The following JAK1 variants were observed in gnomAD, a reference collection of about 807,000 sequenced individuals.
JAK1 encodes tyrosine-protein kinase JAK1.
In JAK1, 16 loss-of-function variants were observed where a neutral mutation model predicts 136.6. The observed-to-expected ratio is 0.12, with a 90% CI of 0.08 to 0.18. The LOEUF is 0.18. Ranked by LOEUF, JAK1 falls within the 10% of genes least tolerant of loss-of-function variation. The pLI is 1.00. For missense variants in JAK1, 859 were observed against 1,450.1 expected (o/e 0.59, Z 6.62); for synonymous variants, 492 against 519.5 (o/e 0.95, Z 0.72).
chr1:64,970,394 T>C (rs888229277), upstream of JAK1, among the ~76,000 whole-genome samples: 1 of 151,228 alleles, frequency 6.6e-6, no homozygotes. Flanking sequence ...TGAGCCAAGA[T>C]GGCACCACTG....
At chr1:64,903,596 T>C (rs1214760285) in intron 1 of JAK1, among the ~76,000 whole-genome samples, 5 of 152,212 alleles carry the variant, frequency 3.3e-5, no homozygotes, top group African/African-American at 7.2e-5. Flanking sequence ...AATTCTGGCT[T>C]TTCAGTCAGG....
intron 1 of JAK1, among the ~76,000 whole-genome samples, chr1:64,936,585 G>C (rs1476233957): frequency 6.6e-6 from 1 of 152,158 alleles, no homozygotes; most frequent in Non-Finnish European, 1.5e-5. Flanking sequence ...TGACTGGAGA[G>C]GTGAGGCCAA....
chr1:65,034,132 T>C (rs554455), intron 2 of JAK1, among the ~76,000 whole-genome samples: 46,299 of 152,012 alleles, frequency 0.3, 8,398 homozygotes, highest in East Asian at 0.47. Context: ...AAAGGAAAGG[T>C]AAGTACAACG....
At chr1:64,869,686 G>A (rs1038719757) in intron 5 of JAK1, among the ~76,000 whole-genome samples, 2 of 152,312 alleles carry the variant, frequency 1.3e-5, no homozygotes, top group Non-Finnish European at 2.9e-5. Flanking sequence ...ACAAAACATT[G>A]ACTGAGCACT....
At chr1:65,012,964 C>T (rs913681921) in intron 2 of JAK1, among the ~76,000 whole-genome samples, 15 of 151,588 alleles carry the variant, frequency 9.9e-5, no homozygotes, top group East Asian at 1.9e-4. Flanking sequence ...GGCGTGGTGG[C>T]GAGCACCTGT....
chr1:64,869,257 T>G, intron 6 of JAK1, 54 bp downstream of exon 6: 1 of 1,541,778 alleles, frequency 6.5e-7, no homozygotes, highest in Admixed American at 1.7e-5. Context: ...TGTAAGAACA[T>G]GTAGAAACAC....
intron 1 of JAK1, among the ~76,000 whole-genome samples, chr1:65,050,015 T>C (rs1647242417): frequency 6.6e-6 from 1 of 152,142 alleles, no homozygotes; most frequent in South Asian, 2.1e-4. Flanking sequence ...TGACACCTTT[T>C]GAAAAAGCTC....
intron 2 of JAK1, among the ~76,000 whole-genome samples, chr1:64,994,553 A>G (rs1420435268): frequency 6.6e-6 from 1 of 152,196 alleles, no homozygotes; most frequent in Non-Finnish European, 1.5e-5. Flanking sequence ...TGAAAAGCAC[A>G]GTCTCAGCCC....
chr1:64,951,675 T>C (rs892537902), intron 1 of JAK1, among the ~76,000 whole-genome samples: 1 of 83,524 alleles, frequency 1.2e-5, no homozygotes, highest in Non-Finnish European at 2.5e-5. Flanking sequence ...TTTTTTTTTT[T>C]TGAGACGGAG....
chr1:64,881,320 T>C (rs1028985318), intron 3 of JAK1, among the ~76,000 whole-genome samples: 7 of 151,750 alleles, frequency 4.6e-5, no homozygotes, highest in African/African-American at 1.7e-4. Context: ...CCTCCTAATA[T>C]CTAATGAGGT....
chr1:64,991,071 G>A (rs1646652967), intron 2 of JAK1, among the ~76,000 whole-genome samples: 1 of 151,702 alleles, frequency 6.6e-6, no homozygotes, highest in Non-Finnish European at 1.5e-5. Context: ...GGAAAATGTG[G>A]ACATAAAACT....
rs1365425642 is a variant in JAK1, at chr1:64,905,522, G to A, written c.-77-19181C>T. On this transcript the variant is annotated intron_variant, in intron 1 of 24. Coordinates refer to ENST00000342505, the MANE Select transcript of JAK1 (RefSeq NM_002227.4). ...TGGACTAATAAAGAAAGAAATAATC[G>A]TATTGAAAGCAGATATTGTACAGTA... Among the ~76,000 whole-genome samples, 7 of 152,182 alleles carry A rather than the reference G, an allele frequency of 4.6e-5. No individual in the cohort carries two copies. The South Asian group carries it at 6.2e-4, about 14-fold the overall frequency.
At chr1:64,977,104 T>C (rs1406602994) in intron 2 of JAK1, among the ~76,000 whole-genome samples, 3 of 152,030 alleles carry the variant, frequency 2.0e-5, no homozygotes, top group African/African-American at 7.3e-5. Flanking sequence ...ACTTATAACA[T>C]GTACTTTCTA....
intron 2 of JAK1, among the ~76,000 whole-genome samples, chr1:65,012,868 C>T (rs1029674108): frequency 2.7e-5 from 4 of 150,694 alleles, no homozygotes; most frequent in African/African-American, 7.3e-5. Context: ...CCAAGGCAGG[C>T]GGATCACGAG....
At chr1:64,834,760 A>T in intron 24 of JAK1, 103 bp from the exon 25 acceptor site, 1 of 743,008 alleles carries the variant, frequency 1.3e-6, no homozygotes, top group Non-Finnish European at 2.3e-6. Context: ...AAATGCAATG[A>T]CTTTTCCTTA....
At position 64,860,110 on chromosome 1, in the gene JAK1, T is replaced by C. The variant is rs980199431; in HGVS notation, c.1329A>G (p.Pro443=). ...VHNIQNGCHG[P]ICTEYAINKL... ...GATAAGGTTCTAGGACCAACCAGAT[T>C]GGACCATGACAGCCATTCTGTATGT... Residue 443 remains proline (P), a synonymous_variant, in exon 9 of 25, where the codon CCA becomes CCG. Transcript: ENST00000342505. The C allele has an allele frequency of 5.7e-6, 9 of 1,575,700 alleles. No individual in the cohort carries two copies. The highest frequency in any genetic ancestry group is 6.9e-6 in the Non-Finnish European group (8 of 1,155,978).
chr1:64,970,891 C>A (rs1557736268), upstream of JAK1, among the ~76,000 whole-genome samples: 3 of 152,040 alleles, frequency 2.0e-5, no homozygotes, highest in Admixed American at 6.6e-5. Flanking sequence ...TTAATTAAAC[C>A]AAATGCAGTG....
At chr1:64,918,249 G>A (rs976754903) in intron 1 of JAK1, among the ~76,000 whole-genome samples, 1 of 152,108 alleles carries the variant, frequency 6.6e-6, no homozygotes, top group African/African-American at 2.4e-5. Context: ...TACACATACT[G>A]TTTACATAGT....
rs192483452 is a variant in JAK1, at chr1:64,965,388, C to A, written c.-78+945G>T. Among the ~76,000 whole-genome samples the A allele has an allele frequency of 2.4e-3, 365 of 152,240 alleles. 2 individuals are homozygous for A. Among genetic ancestry groups the A allele is most frequent in the African/African-American group, 8.5e-3 (351 of 41,536 alleles). ...GACGGGGTCCCCTTCCCCAGGAACA[C>A]ACAGGAAATCATGGAGTGCAAACCC... On this transcript the variant is annotated intron_variant, in intron 1 of 24. Coordinates refer to ENST00000342505, the MANE Select transcript of JAK1 (RefSeq NM_002227.4).
Sources: allele counts gnomAD v4.1 joint callset (sites outside exome capture counted in the v4.1 genomes callset), GRCh38; gene constraint gnomAD v4.1.1; transcripts MANE v1.5; gene names NCBI Gene and HGNC (gene_info 2026-07-23, HGNC 2026-07-21).